The following ADAMTSL1 variants were observed in gnomAD, a reference collection of about 807,000 sequenced individuals.
ADAMTSL1 encodes ADAMTS-like protein 1.
ADAMTSL1 carries 126 observed loss-of-function variants against 201.8 expected under a neutral mutation model. The ratio of observed to expected loss-of-function variants is 0.62; its 90% confidence interval spans 0.54 to 0.72. ADAMTSL1 has a LOEUF of 0.72. ADAMTSL1 is among the 30% of genes least tolerant of loss of function. ADAMTSL1 has a pLI of 0.00. For synonymous variants in ADAMTSL1, 1,121 were observed against 903.4 expected, an observed-to-expected ratio of 1.24 and a Z score of -4.32; for missense variants, 2,679 against 2,277.8, an observed-to-expected ratio of 1.18 and a Z score of -3.59.
intron 1 of ADAMTSL1, among the ~76,000 whole-genome samples, chr9:17,937,869 A>G (rs28670583): frequency 0.43 from 64,675 of 152,008 alleles, 14,201 homozygotes; most frequent in African/African-American, 0.53. Context: ...GGTGTTTTAC[A>G]ATTCATGTTT....
chr9:18,655,047 A>G (rs571936840), intron 7 of ADAMTSL1, among the ~76,000 whole-genome samples: 2 of 152,344 alleles, frequency 1.3e-5, no homozygotes, highest in African/African-American at 4.8e-5. Flanking sequence ...GGCCCATCTG[A>G]GGCACAGCTT....
chr9:18,523,513 G>A (rs903108956), intron 2 of ADAMTSL1, among the ~76,000 whole-genome samples: 2 of 152,126 alleles, frequency 1.3e-5, no homozygotes, highest in African/African-American at 4.8e-5. Flanking sequence ...TGAAGTCCTT[G>A]CCCATGCCTA....
chr9:18,460,928 C>T (rs1820784658), intron 2 of ADAMTSL1, among the ~76,000 whole-genome samples: 1 of 152,126 alleles, frequency 6.6e-6, no homozygotes, highest in African/African-American at 2.4e-5. Flanking sequence ...CTTGCAGACT[C>T]TTTATAAAAA....
chr9:18,889,394 C>A (rs1024093221), intron 24 of ADAMTSL1, among the ~76,000 whole-genome samples, 174 bp from the exon 25 acceptor site: 58 of 152,186 alleles, frequency 3.8e-4, no homozygotes, highest in African/African-American at 1.4e-3. Flanking sequence ...CGTGACTTCC[C>A]CAAATAGTTC....
At chr9:17,952,363 A>G (rs918601504) in intron 1 of ADAMTSL1, among the ~76,000 whole-genome samples, 4 of 152,110 alleles carry the variant, frequency 2.6e-5, no homozygotes, top group Non-Finnish European at 5.9e-5. Context: ...TTTAACTTAC[A>G]GGCCTTTAAT....
intron 1 of ADAMTSL1, among the ~76,000 whole-genome samples, chr9:17,958,899 G>T (rs1321952140): frequency 6.6e-6 from 1 of 152,194 alleles, no homozygotes; most frequent in Admixed American, 6.6e-5. Context: ...CATGTCATTT[G>T]GGTATTAATG....
intron 14 of ADAMTSL1, chr9:18,718,004 G>A (rs1407382461): frequency 6.3e-7 from 1 of 1,592,910 alleles, no homozygotes; most frequent in Admixed American, 1.7e-5. Flanking sequence ...CTTTTTGCGA[G>A]CCTTCCCAGG....
chr9:18,306,480 C>T (rs1404103041), intron 2 of ADAMTSL1, among the ~76,000 whole-genome samples: 7 of 151,992 alleles, frequency 4.6e-5, no homozygotes, highest in Non-Finnish European at 1.0e-4. Flanking sequence ...CTAGAATAAC[C>T]AGTTTAGAGA....
intron 1 of ADAMTSL1, among the ~76,000 whole-genome samples, chr9:18,112,476 AT>A (rs1194898162): frequency 1.9e-4 from 28 of 148,236 alleles, no homozygotes; most frequent in African/African-American, 4.7e-4. Flanking sequence ...AAATATACCC[AT>A]TTTTTTGGGT....
At chr9:18,723,190 C>T (rs980307249) in intron 15 of ADAMTSL1, 6 of 701,056 alleles carry the variant, frequency 8.6e-6, no homozygotes, top group Non-Finnish European at 1.6e-5. Context: ...TCTGAGATCC[C>T]ATGACTTGCT....
intron 2 of ADAMTSL1, among the ~76,000 whole-genome samples, chr9:18,456,125 A>G (rs558635793): frequency 1.3e-5 from 2 of 152,292 alleles, no homozygotes; most frequent in South Asian, 2.1e-4. Flanking sequence ...CAGTTTGGCT[A>G]TACCTTTTCT....
chr9:18,192,294 A>T (rs141179714), intron 2 of ADAMTSL1, among the ~76,000 whole-genome samples: 1 of 152,256 alleles, frequency 6.6e-6, no homozygotes, highest in Non-Finnish European at 1.5e-5. Context: ...CATGTCAGGA[A>T]GGCTAAATTC....
intron 1 of ADAMTSL1, among the ~76,000 whole-genome samples, chr9:17,942,083 C>T (rs1827260011): frequency 6.6e-6 from 1 of 151,986 alleles, no homozygotes; most frequent in Non-Finnish European, 1.5e-5. Flanking sequence ...ATTCCATTCA[C>T]CTATATAAGG....
intron 1 of ADAMTSL1, among the ~76,000 whole-genome samples, chr9:18,065,615 G>C (rs1212384102): frequency 1.3e-5 from 2 of 152,168 alleles, no homozygotes; most frequent in Non-Finnish European, 2.9e-5. Context: ...TTAAATTCTA[G>C]CTATGTTTTG....
intron 2 of ADAMTSL1, among the ~76,000 whole-genome samples, chr9:18,365,888 A>G (rs12341057): frequency 0.32 from 48,940 of 151,960 alleles, 8,139 homozygotes; most frequent in Admixed American, 0.43. Context: ...TGTGAACCCT[A>G]TTGTGAACTG....
At chr9:18,125,152 T>G (rs1421314398) in intron 1 of ADAMTSL1, among the ~76,000 whole-genome samples, 1 of 152,168 alleles carries the variant, frequency 6.6e-6, no homozygotes, top group Non-Finnish European at 1.5e-5. Context: ...CACAGTTCCA[T>G]GTGGCTGGGG....
chr9:18,582,551 G>A (rs191928317), intron 4 of ADAMTSL1, among the ~76,000 whole-genome samples: 78 of 152,164 alleles, frequency 5.1e-4, no homozygotes, highest in African/African-American at 1.9e-3. Flanking sequence ...TGATGGTTTT[G>A]AAAAGGGAAG....
intron 2 of ADAMTSL1, among the ~76,000 whole-genome samples, chr9:18,386,705 G>T (rs1837807819): frequency 6.6e-6 from 1 of 151,958 alleles, no homozygotes; most frequent in Non-Finnish European, 1.5e-5. Context: ...GATTTATATT[G>T]TATTCTGCAT....
chr9:18,886,686 T>C (rs10963817), intron 23 of ADAMTSL1, among the ~76,000 whole-genome samples: 7,505 of 152,258 alleles, frequency 0.049, 200 homozygotes, highest in East Asian at 0.12. Flanking sequence ...CCAGGGCCTC[T>C]TTTATGGGGA....
Sources: gnomAD v4.1 joint callset for allele counts (sites outside exome capture counted in the v4.1 genomes callset) on GRCh38, gnomAD v4.1.1 for gene constraint, MANE v1.5 for transcripts, NCBI Gene and HGNC (gene_info 2026-07-23, HGNC 2026-07-21) for gene names.